NECTIN4: variants seen among roughly 807,000 people sequenced by gnomAD.
NECTIN4 encodes nectin-4.
In NECTIN4, 19 loss-of-function variants were observed where a neutral mutation model predicts 51.7. The ratio of observed to expected loss-of-function variants is 0.37; its 90% CI spans 0.26 to 0.54. The LOEUF is 0.54. Among genes scored for constraint, NECTIN4 ranks in the 20% least tolerant of loss-of-function variants. NECTIN4 has a pLI of 0.86. For synonymous variants in NECTIN4, 283 were observed against 286.9 expected, an observed-to-expected ratio of 0.99 and a Z score of 0.14; for missense variants, 619 against 662.4, an observed-to-expected ratio of 0.93 and a Z score of 0.72.
intron 1 of NECTIN4, among the ~76,000 whole-genome samples, chr1:161,088,857 T>C (rs559333276): frequency 1.3e-5 from 2 of 152,172 alleles, no homozygotes; most frequent in East Asian, 3.9e-4. Flanking sequence ...AAGGCACCTC[T>C]AGGAAACCCT....
In NECTIN4 at chr1:161,072,553, G is replaced by C. The variant is rs539591539; in HGVS notation, c.*108C>G. 44 of 911,508 alleles carry C rather than the reference G, an allele frequency of 4.8e-5. No individual in the cohort carries two copies. Among genetic ancestry groups the C allele is most frequent in the African/African-American group, 4.6e-4 (28 of 61,492 alleles). 56.5% of individuals were successfully genotyped at this position (911,508 alleles called of 1,614,324 possible). Reference sequence around the variant, plus strand: ...AAGGTCAAGCAGTCAGTGGGATGGGGAGCATCTTCCGCAAGAAATGGGGGT... The same window carrying C: ...AAGGTCAAGCAGTCAGTGGGATGGGCAGCATCTTCCGCAAGAAATGGGGGT... On this transcript the variant is annotated 3_prime_UTR_variant, in exon 9 of 9. Transcript: ENST00000368012.
At chr1:161,076,245 T>G in intron 4 of NECTIN4, 110 bp downstream of exon 4, 6 of 1,248,188 alleles carry the variant, frequency 4.8e-6, no homozygotes, top group Non-Finnish European at 6.8e-6. Flanking sequence ...CATACCCCAA[T>G]TTATTTGGGG....
chr1:161,077,345 C>G (rs1653453487), intron 3 of NECTIN4, 108 bp downstream of exon 3: 1 of 1,177,922 alleles, frequency 8.5e-7, no homozygotes, highest in Non-Finnish European at 1.3e-6. Flanking sequence ...CTATATATAG[C>G]CTCCAGGACC....
chr1:161,089,401 A>C lies in NECTIN4; in HGVS notation c.-105T>G, dbSNP rs926220393. The C allele has an allele frequency of 1.2e-5, 13 of 1,102,252 alleles. No individual in the cohort carries two copies. In the South Asian group the frequency reaches 1.4e-4, roughly 12 times the overall value. The allele number at this position is 1,102,252 out of a possible 1,614,324, so 68.3% of individuals were successfully genotyped here. A position where few individuals can be genotyped will look rare whatever the true frequency, so the allele number is the denominator to read the frequency against. ...ACTGACCCAGAAGGCAGGAAGCTGC[A>C]GAGTTCTTGCCTCTCGCACTTGGGT... On this transcript the variant is annotated 5_prime_UTR_variant, in exon 1 of 9. Transcript: ENST00000368012. This position sits in a 1 kb window ranked among gnomAD's most constrained non-coding sequence, Gnocchi z 4.1.
intron 7 of NECTIN4, 83 bp downstream of exon 7, chr1:161,073,637 C>G: frequency 8.3e-7 from 1 of 1,201,912 alleles, no homozygotes. Context: ...GAGCTGTGCT[C>G]CTGGTCTGCA....
At chr1:161,074,585 C>A in intron 5 of NECTIN4, 26 bp downstream of exon 5, 2 of 1,614,048 alleles carry the variant, frequency 1.2e-6, no homozygotes, top group African/African-American at 1.3e-5. Context: ...CAGGTCCTTA[C>A]CAAGGACTTC....
At chr1:161,088,952 T>G (rs1654067710) in intron 1 of NECTIN4, among the ~76,000 whole-genome samples, 1 of 151,952 alleles carries the variant, frequency 6.6e-6, no homozygotes, top group Non-Finnish European at 1.5e-5. Flanking sequence ...AGCTCAGGCC[T>G]AGGCAAGGCT....
At chr1:161,073,184 G>A (rs369121104) in intron 8 of NECTIN4, 41 bp downstream of exon 8, 62 of 1,567,454 alleles carry the variant, frequency 4.0e-5, no homozygotes, top group Admixed American at 2.2e-4. Flanking sequence ...ACAGGGGCCC[G>A]AGGAGAGTGG....
Position 161,072,838 on chromosome 1 carries a change from C to T in NECTIN4, c.1356G>A (p.Arg452=). The part of the protein sequence containing the change: ...GRSYSTLTTV[R]EIETQTELLS... ...GCAGTTCAGTCTGTGTTTCTATCTC[C>T]CTCACCGTGGTCAGCGTGGAGTAAC... Residue 452 remains arginine, a synonymous_variant, in exon 9 of 9, where the codon AGG becomes AGA. Coordinates refer to ENST00000368012, the MANE Select transcript of NECTIN4 (RefSeq NM_030916.3). The T allele has an allele frequency of 6.2e-7, 1 of 1,614,240 alleles. No homozygotes were observed. The highest frequency in any genetic ancestry group is 8.5e-7 in the Non-Finnish European group (1 of 1,180,038).
intron 1 of NECTIN4, chr1:161,087,452 A>G (rs1653998937): frequency 6.6e-6 from 1 of 151,378 alleles, no homozygotes; most frequent in Admixed American, 6.6e-5. Context: ...CATCATGGAA[A>G]AGAAAGGCAA....
At chr1:161,085,346 C>T (rs1431527376) in intron 1 of NECTIN4, among the ~76,000 whole-genome samples, 1 of 152,064 alleles carries the variant, frequency 6.6e-6, no homozygotes, top group Non-Finnish European at 1.5e-5. Context: ...GTCCCCTAAA[C>T]CCCCCGGAGC....
chr1:161,085,387 C>T (rs561837769), intron 1 of NECTIN4, among the ~76,000 whole-genome samples: 1 of 152,280 alleles, frequency 6.6e-6, no homozygotes, highest in African/African-American at 2.4e-5. Context: ...GTCACCACAA[C>T]AGCCACACTG....
Position 161,089,214 on chromosome 1 carries a change from C to A in NECTIN4, c.79+4G>T. The A allele has an allele frequency of 6.2e-7, 1 of 1,613,262 alleles. No homozygotes were observed. The highest frequency in any genetic ancestry group is 8.5e-7 in the Non-Finnish European group (1 of 1,179,960). On this transcript the variant is annotated splice_donor_region_variant and intron_variant, in intron 1 of 8. Coordinates refer to ENST00000368012, the MANE Select transcript of NECTIN4 (RefSeq NM_030916.3). The surrounding 1 kb of genome is among the most constrained non-coding windows in gnomAD (Gnocchi z 4.1). Reference sequence around the variant, plus strand: ...AGTGTCCTGATGGTTCAGGCAAGTCCTACCTGTAAATGATGCCAGCAGTAG... The same window carrying A: ...AGTGTCCTGATGGTTCAGGCAAGTCATACCTGTAAATGATGCCAGCAGTAG...
At chr1:161,088,316 G>T (rs1383364708) in intron 1 of NECTIN4, among the ~76,000 whole-genome samples, 1 of 152,082 alleles carries the variant, frequency 6.6e-6, no homozygotes, top group Admixed American at 6.5e-5. Flanking sequence ...TTTTGAAGGA[G>T]AAATATTTCT....
Position 161,079,628 on chromosome 1 carries a change from G to A in NECTIN4, c.401C>T (p.Ala134Val). ...EYECRVSTFP[A>V]GSFQARLRLR... is the part of the protein sequence containing the mutation. The stretch of plus-strand genomic sequence containing the variant: ...CCGCAGCCGCGCCTGGAAGCTGCCG[G>A]CGGGGAAGGTGCTGACCCGGCACTC... The change falls in exon 2 of 9, where the codon GCC (alanine) becomes GTC (valine). Residue 134 changes from alanine (A) to valine (V), a missense_variant. By Grantham distance (64) the Ala-to-Val change is moderately conservative. This residue lies in a region of NECTIN4 where 218 missense variants were observed against 186.3 expected (regional missense o/e 1.17). Transcript: ENST00000368012. 2 of 1,605,170 alleles carry A rather than the reference G, an allele frequency of 1.2e-6. No homozygotes were observed. Among genetic ancestry groups the A allele is most frequent in the South Asian group, 2.2e-5 (2 of 91,038 alleles).
rs372926426 is a variant in NECTIN4 at position 161,072,874 on chromosome 1, G to A, written c.1320C>T (p.Pro440=). ...NSSCSVMSEE[P]EGRSYSTLTT... ...TCAGCGTGGAGTAACTGCGGCCCTCGGGCTCTTCACTCTGGAGACCAAGGG... is the reference window on the plus strand; with the variant it reads ...TCAGCGTGGAGTAACTGCGGCCCTCAGGCTCTTCACTCTGGAGACCAAGGG... The change falls in exon 9 of 9, where the codon CCC becomes CCT. Residue 440 remains proline, a synonymous_variant. Coordinates refer to ENST00000368012, the MANE Select transcript of NECTIN4 (RefSeq NM_030916.3). 24 of 1,612,514 alleles carry A rather than the reference G, an allele frequency of 1.5e-5. No homozygotes were observed. The highest frequency in any genetic ancestry group is 4.5e-5 in the East Asian group (2 of 44,768).
intron 4 of NECTIN4, 71 bp downstream of exon 4, chr1:161,076,284 T>C (rs893907450): frequency 4.9e-5 from 76 of 1,566,520 alleles, no homozygotes; most frequent in Non-Finnish European, 6.2e-5. Context: ...CATTCCATAG[T>C]GGTATATCCT....
intron 1 of NECTIN4, among the ~76,000 whole-genome samples, chr1:161,081,921 C>G (rs1455355713): frequency 6.6e-6 from 1 of 151,228 alleles, no homozygotes; most frequent in Non-Finnish European, 1.5e-5. Context: ...ACCATTGGAA[C>G]CATTGTTTCT....
chr1:161,072,803 C>G lies in NECTIN4; in HGVS notation c.1391G>C (p.Gly464Ala). 6.2e-7 allele frequency: 1 copy of G among 1,614,246 alleles called. No homozygotes were observed. ...IETQTELLSP[G>A]SGRAEEEEDQ... ...TTCCTCCTCCTCGGCCCGCCCAGAG[C>G]CTGGAGACAGCAGTTCAGTCTGTGT... The change falls in exon 9 of 9, where the codon GGC becomes GCC. Residue 464 changes from glycine to alanine, a missense_variant. This residue lies in a region of NECTIN4 where 364 missense variants were observed against 415.7 expected (regional missense o/e 0.88). Coordinates refer to ENST00000368012, the MANE Select transcript of NECTIN4 (RefSeq NM_030916.3).
Sources: gnomAD v4.1 joint callset for allele counts (sites outside exome capture counted in the v4.1 genomes callset) on GRCh38, gnomAD v4.1.1 for gene constraint, gnomAD v4.1.1 regional missense constraint, Gnocchi (gnomAD v3.1) non-coding constraint, MANE v1.5 for transcripts, NCBI Gene and HGNC (gene_info 2026-07-23, HGNC 2026-07-21) for gene names.